GALNTL6: variants seen among roughly 807,000 people sequenced by gnomAD.
GALNTL6 encodes polypeptide N-acetylgalactosaminyltransferase-like 6.
GALNTL6 carries 46 observed loss-of-function variants against 73.7 expected under a neutral mutation model. The ratio of observed to expected loss-of-function variants is 0.62; its 90% CI spans 0.49 to 0.80. The LOEUF is 0.80. Among genes scored for constraint, GALNTL6 ranks in the 30% least tolerant of loss-of-function variants. GALNTL6 has a pLI of 0.00. For synonymous variants in GALNTL6, 259 were observed against 263.7 expected (o/e 0.98, Z 0.17); for missense variants, 604 against 755.0 (o/e 0.80, Z 2.34).
intron 2 of GALNTL6, among the ~76,000 whole-genome samples, chr4:172,045,249 A>G (rs891678492): frequency 6.6e-6 from 1 of 152,056 alleles, no homozygotes; most frequent in African/African-American, 2.4e-5. Context: ...AGCTTATATA[A>G]GGCCAGCTTT....
Position 172,186,917 on chromosome 4 carries a change from G to A in GALNTL6, c.139-42739G>A, listed in dbSNP as rs558771494. 5.9e-5 allele frequency among the ~76,000 whole-genome samples: 9 copies of A among 152,058 alleles called. No individual in the cohort carries two copies. In the East Asian group the frequency reaches 9.7e-4, roughly 16 times the overall value. On this transcript the variant is annotated intron_variant, in intron 2 of 12. Transcript: ENST00000506823. ...GAGTTCCTTACTTTAAAATGGTTAC[G>A]TTACATGAATTTTGCCTCAATCAAA...
At chr4:172,932,363 T>G (rs890386857) in intron 9 of GALNTL6, among the ~76,000 whole-genome samples, 1 of 152,208 alleles carries the variant, frequency 6.6e-6, no homozygotes, top group African/African-American at 2.4e-5. Flanking sequence ...TTACTAAAAC[T>G]TAAATACTTT....
chr4:172,191,308 T>C (rs1376456481), intron 2 of GALNTL6, among the ~76,000 whole-genome samples: 1 of 152,188 alleles, frequency 6.6e-6, no homozygotes, highest in East Asian at 1.9e-4. Context: ...TTGGTCTCCA[T>C]AGGTAACTGT....
intron 5 of GALNTL6, among the ~76,000 whole-genome samples, chr4:172,541,597 A>C (rs1325889104): frequency 6.6e-6 from 1 of 152,238 alleles, no homozygotes; most frequent in African/African-American, 2.4e-5. Context: ...GCAACTTGAG[A>C]GGCCAAGTAA....
chr4:172,667,441 A>G (rs1228892148), intron 5 of GALNTL6: 2 of 152,228 alleles, frequency 1.3e-5, no homozygotes, highest in Admixed American at 1.3e-4. Context: ...TCTGGGTTTC[A>G]CAAAGTGATG....
chr4:171,961,230 A>C (rs1400043438), intron 2 of GALNTL6, among the ~76,000 whole-genome samples: 1 of 152,224 alleles, frequency 6.6e-6, no homozygotes, highest in Admixed American at 6.5e-5. Context: ...TTTGACTTAT[A>C]GAGCCAACAA....
chr4:172,364,511 A>G (rs1347164428), intron 5 of GALNTL6, among the ~76,000 whole-genome samples: 3 of 152,174 alleles, frequency 2.0e-5, no homozygotes, highest in Non-Finnish European at 4.4e-5. Context: ...TAAGTATTCT[A>G]TTTATTTAAA....
chr4:171,864,298 A>G (rs1296439339), intron 2 of GALNTL6, among the ~76,000 whole-genome samples: 1 of 152,164 alleles, frequency 6.6e-6, no homozygotes, highest in Non-Finnish European at 1.5e-5. Flanking sequence ...GCTCGAATAT[A>G]AAAGGTCACG....
intron 5 of GALNTL6, among the ~76,000 whole-genome samples, chr4:172,360,647 A>G (rs760725247): frequency 5.9e-5 from 9 of 151,856 alleles, no homozygotes; most frequent in Non-Finnish European, 1.3e-4. Context: ...GGTACCGTCT[A>G]TGTAGGATGA....
rs1579122212 is a variant in GALNTL6 at position 172,084,473 on chromosome 4, G to A, written c.139-145183G>A. Among the ~76,000 whole-genome samples the A allele has an allele frequency of 2.6e-5, 4 of 152,268 alleles. No homozygotes were observed. In the South Asian group the frequency reaches 8.3e-4, roughly 32 times the overall value. On this transcript the variant is annotated intron_variant, in intron 2 of 12. Coordinates refer to ENST00000506823, the MANE Select transcript of GALNTL6 (RefSeq NM_001034845.3). ...CATAAAACAAACCTATATTACAACA[G>A]CAGGTCTGCAAAGGTATTACAGTGC...
chr4:172,345,715 G>C (rs562999484), intron 4 of GALNTL6, among the ~76,000 whole-genome samples: 5 of 152,220 alleles, frequency 3.3e-5, no homozygotes, highest in African/African-American at 1.2e-4. Flanking sequence ...AGCAAACCCT[G>C]AAACAAAAAT....
intron 3 of GALNTL6, among the ~76,000 whole-genome samples, chr4:172,296,358 C>G (rs1252570817): frequency 2.6e-5 from 4 of 151,890 alleles, no homozygotes; most frequent in African/African-American, 9.7e-5. Flanking sequence ...TTGGTAGATT[C>G]AATTTGCTGA....
chr4:172,050,485 C>G (rs1730823846), intron 2 of GALNTL6, among the ~76,000 whole-genome samples: 1 of 152,140 alleles, frequency 6.6e-6, no homozygotes. Flanking sequence ...CAGAAAAGAA[C>G]TTTAGCTTGT....
At chr4:172,873,232 T>C (rs991131421) in intron 7 of GALNTL6, among the ~76,000 whole-genome samples, 1 of 152,216 alleles carries the variant, frequency 6.6e-6, no homozygotes, top group African/African-American at 2.4e-5. Flanking sequence ...GAGGAAAGAA[T>C]AACAACCGAA....
chr4:172,807,809 T>G (rs182380304), intron 5 of GALNTL6, among the ~76,000 whole-genome samples: 15 of 152,236 alleles, frequency 9.9e-5, no homozygotes, highest in Admixed American at 5.9e-4. Context: ...CCCATCTGTA[T>G]TTGTTTGTTT....
At chr4:172,898,291 TACACACACACACACAC>T (rs5741949) in intron 8 of GALNTL6, among the ~76,000 whole-genome samples, 5 of 147,414 alleles carry the variant, frequency 3.4e-5, no homozygotes, top group African/African-American at 1.2e-4. Flanking sequence ...TATACTTTAT[TACACACACACACACAC>T]ACACACACAC....
intron 7 of GALNTL6, among the ~76,000 whole-genome samples, chr4:172,864,015 T>C (rs1744533115): frequency 6.6e-6 from 1 of 152,178 alleles, no homozygotes; most frequent in Admixed American, 6.5e-5. Context: ...ATGCACACAA[T>C]TCCCCTGCAC....
intron 5 of GALNTL6, among the ~76,000 whole-genome samples, chr4:172,732,283 TAG>T (rs1736195659): frequency 6.6e-6 from 1 of 152,216 alleles, no homozygotes; most frequent in Non-Finnish European, 1.5e-5. Flanking sequence ...TATCATTTTA[TAG>T]TGATCTTCCT....
intron 5 of GALNTL6, among the ~76,000 whole-genome samples, chr4:172,465,456 G>A (rs1479373176): frequency 7.3e-5 from 11 of 151,478 alleles, no homozygotes; most frequent in South Asian, 2.1e-4. Context: ...CAGCTTGGGC[G>A]ACAGAGCGAG....
Sources: allele counts gnomAD v4.1 joint callset (sites outside exome capture counted in the v4.1 genomes callset), GRCh38; gene constraint gnomAD v4.1.1; transcripts MANE v1.5; gene names NCBI Gene and HGNC (gene_info 2026-07-23, HGNC 2026-07-21).